The following NOS1 variants were observed in gnomAD, a reference collection of about 807,000 sequenced individuals.
NOS1 encodes NOS type I.
In NOS1, 51 loss-of-function variants were observed where a neutral mutation model predicts 164.5. The observed-to-expected ratio is 0.31, with a 90% CI of 0.25 to 0.39. The LOEUF is 0.39. Ranked by LOEUF, NOS1 falls within the 10% of genes least tolerant of loss-of-function variation. The pLI, the probability that NOS1 is intolerant of heterozygous loss-of-function variation, is 1.00. For missense variants in NOS1, 1,362 were observed against 1,885.6 expected, an observed-to-expected ratio of 0.72 and a Z score of 5.14; for synonymous variants, 719 against 745.8, an observed-to-expected ratio of 0.96 and a Z score of 0.59.
intron 7 of NOS1, among the ~76,000 whole-genome samples, 190 bp downstream of exon 7, chr12:117,285,049 CAA>C (rs10655356): frequency 1.5e-5 from 2 of 134,602 alleles, no homozygotes; most frequent in South Asian, 2.4e-4. Context: ...GACTCTGTCT[CAA>C]AAAAAAAAAT....
intron 3 of NOS1, among the ~76,000 whole-genome samples, chr12:117,299,701 TC>T: frequency 6.6e-6 from 1 of 151,168 alleles, no homozygotes; most frequent in Non-Finnish European, 1.5e-5. Flanking sequence ...TCTCTCTCTC[TC>T]TTCTGTAATT....
At chr12:117,299,635 CAAAAAAAA>C (rs35293946) in intron 3 of NOS1, among the ~76,000 whole-genome samples, 1 of 89,300 alleles carries the variant, frequency 1.1e-5, no homozygotes, top group Non-Finnish European at 2.2e-5. Flanking sequence ...ACTTTGTCTC[CAAAAAAAA>C]AAAAAAGAAA....
At chr12:117,263,560 A>G (rs999420117) in intron 13 of NOS1, among the ~76,000 whole-genome samples, 1 of 149,050 alleles carries the variant, frequency 6.7e-6, no homozygotes, top group African/African-American at 2.5e-5. Context: ...GGCAAACATG[A>G]AAATCAAGGT....
At chr12:117,262,488 G>GA (rs1555253179) in intron 13 of NOS1, among the ~76,000 whole-genome samples, 3 of 118,582 alleles carry the variant, frequency 2.5e-5, no homozygotes, top group Non-Finnish European at 1.6e-5. Context: ...AGGGGGAGGG[G>GA]GAGAGAGAGA....
In NOS1 at chr12:117,356,513, C is replaced by T. The variant is rs1294133730; in HGVS notation, c.-421+4999G>A. 6.6e-6 allele frequency among the ~76,000 whole-genome samples: 1 copy of T among 152,260 alleles called. No individual in the cohort carries two copies. The highest frequency in any genetic ancestry group is 2.1e-4 in the South Asian group (1 of 4,830). On this transcript the variant is annotated intron_variant, in intron 1 of 28. Coordinates refer to ENST00000317775, the MANE Select transcript of NOS1 (RefSeq NM_000620.5). The surrounding 1 kb of genome is among the most constrained non-coding windows in gnomAD (Gnocchi z 4.2). The stretch of plus-strand genomic sequence containing the variant: ...CGCCAGGTACAGGGTTTGTCTGGTG[C>T]TCACCGCTTAGCCAGACTACAGGTT...
rs190564045 is a variant in NOS1, at chr12:117,281,720, G to T, written c.1383-854C>A. Among the ~76,000 whole-genome samples the T allele has an allele frequency of 1.5e-4, 23 of 150,124 alleles. No individual in the cohort carries two copies. In the East Asian group the frequency reaches 4.0e-3, roughly 26 times the overall value. ...GTGGTGGGGGGTGCCTGTAGTCCCA[G>T]CTACTCGGGAGGCTGAGGAGAATCG... On this transcript the variant is annotated intron_variant, in intron 7 of 28. Transcript: ENST00000317775.
At chr12:117,222,531 G>A (rs1479695904) in intron 26 of NOS1, among the ~76,000 whole-genome samples, 184 bp downstream of exon 26, 1 of 152,212 alleles carries the variant, frequency 6.6e-6, no homozygotes, top group Admixed American at 6.5e-5. Context: ...TGGGATTACA[G>A]GCGCTCGGCC....
intron 17 of NOS1, among the ~76,000 whole-genome samples, chr12:117,249,511 C>T (rs1870920173): frequency 2.0e-5 from 3 of 152,132 alleles, no homozygotes; most frequent in South Asian, 2.1e-4. Flanking sequence ...GATAATGAAA[C>T]TATAATATAA....
intron 16 of NOS1, among the ~76,000 whole-genome samples, chr12:117,257,080 A>C (rs564388160): frequency 6.6e-6 from 1 of 151,886 alleles, no homozygotes; most frequent in Non-Finnish European, 1.5e-5. Context: ...CTCAAAAAAA[A>C]TTTTTTTATT....
chr12:117,332,555 T>C (rs1875597941), intron 1 of NOS1, among the ~76,000 whole-genome samples: 1 of 151,784 alleles, frequency 6.6e-6, no homozygotes, highest in African/African-American at 2.4e-5. Context: ...AGCAAGACCC[T>C]TTCTCTATTT....
intron 1 of NOS1, among the ~76,000 whole-genome samples, chr12:117,359,164 G>T (rs944559999): frequency 3.3e-5 from 5 of 151,994 alleles, no homozygotes; most frequent in Non-Finnish European, 7.4e-5. Context: ...CCCTCAGGGC[G>T]CTTCTGAAAT....
Position 117,243,264 on chromosome 12 carries a change from C to T in NOS1, c.2962+33G>A, listed in dbSNP as rs763289274. On this transcript the variant is annotated intron_variant, in intron 19 of 28. Coordinates refer to ENST00000317775, the MANE Select transcript of NOS1 (RefSeq NM_000620.5). This position sits in a 1 kb window ranked among gnomAD's most constrained non-coding sequence, Gnocchi z 4.3. ...ATCACCTGCCTTTCCCCCATTGTCACGAATACCTCCCTGGAAGGGTGGTGG... is the reference window on the plus strand; with the variant it reads ...ATCACCTGCCTTTCCCCCATTGTCATGAATACCTCCCTGGAAGGGTGGTGG... 40 of 1,610,998 alleles carry T rather than the reference C, an allele frequency of 2.5e-5. No homozygotes were observed. The highest frequency in any genetic ancestry group is 1.7e-4 in the Middle Eastern group (1 of 5,882).
At position 117,285,345 on chromosome 12, in the gene NOS1, C is replaced by T; in HGVS notation, c.1291-13G>A. ...GGGCATCGAATACCTGGAAGAGGCA[C>T]AGGGCGGAACTGATTGCCTCTTCTT... is the stretch of plus-strand genomic sequence containing the variant. On this transcript the variant is annotated splice_polypyrimidine_tract_variant and intron_variant, in intron 6 of 28. Transcript: ENST00000317775. The T allele has an allele frequency of 1.3e-6, 2 of 1,581,094 alleles. No homozygotes were observed. Among genetic ancestry groups the T allele is most frequent in the East Asian group, 2.3e-5 (1 of 44,114 alleles).
chr12:117,342,602 CA>C (rs375464478), intron 1 of NOS1, among the ~76,000 whole-genome samples: 5 of 152,230 alleles, frequency 3.3e-5, no homozygotes, highest in African/African-American at 1.2e-4. Flanking sequence ...GAGAGGTCAT[CA>C]GGGGCTGGAT....
chr12:117,287,635 C>A (rs570970624), intron 5 of NOS1, among the ~76,000 whole-genome samples: 2 of 152,290 alleles, frequency 1.3e-5, no homozygotes, highest in African/African-American at 4.8e-5. Context: ...GGTAAGATTT[C>A]ACCATTTTGG....
intron 16 of NOS1, among the ~76,000 whole-genome samples, chr12:117,254,603 G>T (rs77888924): frequency 1.7e-3 from 263 of 152,322 alleles, no homozygotes; most frequent in African/African-American, 6.1e-3. Context: ...TTGGCTAAGT[G>T]TGGCTATCTA....
chr12:117,359,947 C>T (rs1393311673), intron 1 of NOS1, among the ~76,000 whole-genome samples: 2 of 99,864 alleles, frequency 2.0e-5, no homozygotes, highest in Non-Finnish European at 3.9e-5. Flanking sequence ...AGCAACACTT[C>T]CTGCGTTATG....
At position 117,224,642 on chromosome 12, in the gene NOS1, C is replaced by T. The variant is rs541752481; in HGVS notation, c.3826+374G>A. On this transcript the variant is annotated intron_variant, in intron 25 of 28. Transcript: ENST00000317775. The stretch of plus-strand genomic sequence containing the variant: ...GGGTTTCTTTCTCTCTCTCTCCTCC[C>T]AAAGCTGATCTGCTGTGTCTTTCAC... Among the ~76,000 whole-genome samples, 3 of 152,326 alleles carry T rather than the reference C, an allele frequency of 2.0e-5. No homozygotes were observed. In the East Asian group the frequency reaches 5.8e-4, roughly 29 times the overall value.
Position 117,208,274 on chromosome 12 carries a change from A to G in NOS1, c.*7035T>C, listed in dbSNP as rs868583702. 7.8e-6 allele frequency: 10 copies of G among 1,287,790 alleles called. No homozygotes were observed. The Middle Eastern group carries it at 1.7e-3, about 220-fold the overall frequency. 79.8% of individuals were successfully genotyped at this position (1,287,790 alleles called of 1,614,324 possible). A position where few individuals can be genotyped will look rare whatever the true frequency, so the allele number is the denominator to read the frequency against. On this transcript the variant is annotated 3_prime_UTR_variant, in exon 29 of 29. Coordinates refer to ENST00000317775, the MANE Select transcript of NOS1 (RefSeq NM_000620.5). The stretch of plus-strand genomic sequence containing the variant: ...ACAAACACAGCCTGGACAACCTCGC[A>G]AAGAGCGTGGGGTGGGCGTCAGTCC...
Sources: gnomAD v4.1 joint callset for allele counts (sites outside exome capture counted in the v4.1 genomes callset) on GRCh38, gnomAD v4.1.1 for gene constraint, Gnocchi (gnomAD v3.1) non-coding constraint, MANE v1.5 for transcripts, NCBI Gene and HGNC (gene_info 2026-07-23, HGNC 2026-07-21) for gene names.